Variants in SVEP1 observed in about 807,000 individuals in gnomAD.
SVEP1 encodes sushi, von Willebrand factor type A, EGF and pentraxin domain containing 1.
A neutral mutation model predicts 367.3 loss-of-function variants in SVEP1; 164 were observed. That is an observed-to-expected ratio of 0.45 (90% CI 0.39 to 0.51). SVEP1 has a LOEUF of 0.51. SVEP1 is among the 20% of genes least tolerant of loss of function. The pLI is 0.00. For missense variants in SVEP1, 4,117 were observed against 4,425.3 expected, an observed-to-expected ratio of 0.93 and a Z score of 1.98; for synonymous variants, 1,666 against 1,611.6, an observed-to-expected ratio of 1.03 and a Z score of -0.81.
chr9:110,537,431 C>A (rs117436840), intron 3 of SVEP1, among the ~76,000 whole-genome samples: 2,869 of 151,898 alleles, frequency 0.019, 43 homozygotes, highest in Non-Finnish European at 0.03. Flanking sequence ...ATACAAACAG[C>A]AATTGTGATA....
In SVEP1 at chr9:110,366,477, G is replaced by A. The variant is rs148605975; in HGVS notation, c.*62C>T. ...ACTTTCTTTGCATAAGTTCCAGGAT[G>A]CCCAGGCACTACCGAGGAGAGATGA... On this transcript the variant is annotated 3_prime_UTR_variant, in exon 48 of 48. Transcript: ENST00000374469. 2,098 of 1,463,354 alleles carry A rather than the reference G, an allele frequency of 1.4e-3. 15 individuals are homozygous for A. In the African/African-American group the frequency reaches 0.022, roughly 15 times the overall value. The allele number at this position is 1,463,354 out of a possible 1,614,324, so 90.6% of individuals were successfully genotyped here. A position where few individuals can be genotyped will look rare whatever the true frequency, so the allele number is the denominator to read the frequency against.
chr9:110,459,831 T>C (rs1828830528), intron 18 of SVEP1, among the ~76,000 whole-genome samples: 2 of 152,150 alleles, frequency 1.3e-5, no homozygotes, highest in African/African-American at 4.8e-5. Context: ...TTATTTTAAT[T>C]TGCATCTTGA....
chr9:110,564,509 A>C (rs963097564), intron 1 of SVEP1, among the ~76,000 whole-genome samples: 1 of 152,208 alleles, frequency 6.6e-6, no homozygotes, highest in Non-Finnish European at 1.5e-5. Flanking sequence ...AGGGGTGCAA[A>C]GGAGTGGAGG....
chr9:110,472,220 T>C lies in SVEP1; in HGVS notation c.2703A>G (p.Ser901=). 6.2e-7 allele frequency: 1 copy of C among 1,613,720 alleles called. No homozygotes were observed. The highest frequency in any genetic ancestry group is 8.5e-7 in the Non-Finnish European group (1 of 1,179,834). ...TATSIGNAKS[S]RIKRSAPLSD... ...ATAATGGGGCACTTCTTTTAATCCG[T>C]GAGGACTTGGCATTGCCGATGCTTG... Residue 901 remains serine (S), a synonymous_variant, in exon 15 of 48, where the codon TCA becomes TCG. Transcript: ENST00000374469.
At chr9:110,529,539 A>T (rs977394580) in intron 3 of SVEP1, among the ~76,000 whole-genome samples, 6 of 151,670 alleles carry the variant, frequency 4.0e-5, no homozygotes, top group Non-Finnish European at 8.8e-5. Flanking sequence ...GGTTTCTTTT[A>T]TCAGTGTTTT....
In SVEP1 at chr9:110,565,722, A is replaced by T. The variant is rs1286770946; in HGVS notation, c.531+13291T>A. 2.0e-5 allele frequency among the ~76,000 whole-genome samples: 3 copies of T among 152,032 alleles called. No homozygotes were observed. In the East Asian group the frequency reaches 5.8e-4, roughly 29 times the overall value. ...AAACATCCCCTTCTCTTAGTCCTGTATCTGCTCCAACCTGCCTTCCGCTTG... is the reference window on the plus strand; with the variant it reads ...AAACATCCCCTTCTCTTAGTCCTGTTTCTGCTCCAACCTGCCTTCCGCTTG... On this transcript the variant is annotated intron_variant, in intron 1 of 47. Coordinates refer to ENST00000374469, the MANE Select transcript of SVEP1 (RefSeq NM_153366.4).
chr9:110,403,338 C>G (rs371297147), intron 39 of SVEP1, among the ~76,000 whole-genome samples: 17 of 92,772 alleles, frequency 1.8e-4, no homozygotes, highest in African/African-American at 7.8e-4. Context: ...CGGAGTATTG[C>G]TCTGTTGCCA....
rs765228815 is a variant in SVEP1, at chr9:110,390,372, T to TATAC, written c.9823-786_9823-785insGTAT. Among the ~76,000 whole-genome samples the TATAC allele has an allele frequency of 2.2e-3, 158 of 72,364 alleles. 1 individual carries two copies. The highest frequency in any genetic ancestry group is 0.023 in the Middle Eastern group (2 of 88). 47.5% of individuals were successfully genotyped at this position (72,364 alleles called of 152,430 possible). On this transcript the variant is annotated intron_variant, in intron 40 of 47. Transcript: ENST00000374469. ...ACACTTATATATATATACTTATATCTACTTATATATATATATACTTATATC... is the reference window on the plus strand; with the variant it reads ...ACACTTATATATATATACTTATATCTATACACTTATATATATATATACTTATATC...
In SVEP1 at chr9:110,432,549, A is replaced by T. The variant is rs1335679419; in HGVS notation, c.5146T>A (p.Cys1716Ser). Residue 1716 changes from cysteine to serine, a missense_variant, in exon 31 of 48, where the codon TGC (cysteine) becomes AGC (serine). Physicochemically the swap from Cys to Ser is moderately radical, Grantham distance 112. This residue lies in a region of SVEP1 where 2,174 missense variants were observed against 2,494.3 expected (regional missense o/e 0.87). Transcript: ENST00000374469. Reference sequence around the variant, plus strand: ...CCCAATAGATAGTAGCCATTGTTGCACTGGTAGGTTACTGTGCTGCCAGCA... The same window carrying T: ...CCCAATAGATAGTAGCCATTGTTGCTCTGGTAGGTTACTGTGCTGCCAGCA... ...FYAGSTVTYQCNNGYYLLGDS... is the reference protein window; with the variant it reads ...FYAGSTVTYQSNNGYYLLGDS... The T allele has an allele frequency of 6.2e-7, 1 of 1,613,908 alleles. No individual in the cohort carries two copies. The highest frequency in any genetic ancestry group is 1.7e-5 in the Admixed American group (1 of 60,012).
At chr9:110,559,040 T>C (rs539038433) in intron 1 of SVEP1, among the ~76,000 whole-genome samples, 1 of 152,218 alleles carries the variant, frequency 6.6e-6, no homozygotes, top group East Asian at 1.9e-4. Context: ...GGAATAAAAA[T>C]ATACCTCATT....
At chr9:110,529,939 T>G (rs913805598) in intron 3 of SVEP1, among the ~76,000 whole-genome samples, 32 of 152,200 alleles carry the variant, frequency 2.1e-4, no homozygotes, top group African/African-American at 7.7e-4. Flanking sequence ...CCTGCTCCAG[T>G]TCTTAAGGGG....
chr9:110,528,156 G>GTGTA, intron 3 of SVEP1, among the ~76,000 whole-genome samples: 76 of 33,956 alleles, frequency 2.2e-3, no homozygotes, highest in East Asian at 0.02. Context: ...GTGTGTGTGT[G>GTGTA]TATATATATA....
chr9:110,427,334 T>C (rs1828269544), intron 36 of SVEP1, among the ~76,000 whole-genome samples: 2 of 147,574 alleles, frequency 1.4e-5, no homozygotes, highest in African/African-American at 5.0e-5. Context: ...AAGTATAATA[T>C]GAAGATATTT....
chr9:110,369,748 A>G (rs1476936712), intron 47 of SVEP1, 175 bp downstream of exon 47: 1 of 595,272 alleles, frequency 1.7e-6, no homozygotes, highest in African/African-American at 1.9e-5. Context: ...CTGAACTAAT[A>G]TTTCTTAGCT....
intron 3 of SVEP1, among the ~76,000 whole-genome samples, chr9:110,532,602 T>C (rs932671632): frequency 1.3e-5 from 2 of 152,140 alleles, no homozygotes; most frequent in Non-Finnish European, 2.9e-5. Context: ...AATCACAGAA[T>C]TTGATATTTC....
At chr9:110,472,103 T>C in intron 15 of SVEP1, 56 bp downstream of exon 15, 1 of 1,529,670 alleles carries the variant, frequency 6.5e-7, no homozygotes, top group Non-Finnish European at 8.9e-7. Flanking sequence ...AGAAGCAGGT[T>C]TCCAACCAAG....
At chr9:110,397,530 A>G (rs1827783700) in intron 40 of SVEP1, among the ~76,000 whole-genome samples, 4 of 152,312 alleles carry the variant, frequency 2.6e-5, no homozygotes, top group East Asian at 1.9e-4. Flanking sequence ...AGGATATTCA[A>G]TTAGGAAAAG....
intron 5 of SVEP1, among the ~76,000 whole-genome samples, chr9:110,509,404 A>G (rs2118768575): frequency 6.6e-6 from 1 of 152,352 alleles, no homozygotes; most frequent in East Asian, 1.9e-4. Context: ...GTATACTGGT[A>G]AGTTAGCTGT....
rs749945404 is a variant in SVEP1 at position 110,489,713 on chromosome 9, C to T, written c.1867G>A (p.Val623Ile). 44 of 1,613,320 alleles carry T rather than the reference C, an allele frequency of 2.7e-5. No homozygotes were observed. The South Asian group carries it at 3.0e-4, about 11-fold the overall frequency. ...CCGGATAGGTCAGTTGCCGTGTATACGATAGCAACATCTCCAATTGGGAAA... is the reference window on the plus strand; with the variant it reads ...CCGGATAGGTCAGTTGCCGTGTATATGATAGCAACATCTCCAATTGGGAAA... Reference protein sequence around the residue: ...YLFPIGDVAIVYTATDLSGNQ... With the variant: ...YLFPIGDVAIIYTATDLSGNQ... Residue 623 changes from valine (V) to isoleucine (I), a missense_variant, in exon 9 of 48, where the codon GTA becomes ATA. Physicochemically the swap from Val to Ile is conservative, Grantham distance 29. Transcript: ENST00000374469.
Sources: allele counts gnomAD v4.1 joint callset (sites outside exome capture counted in the v4.1 genomes callset), GRCh38; gene constraint gnomAD v4.1.1; regional missense constraint gnomAD v4.1.1; transcripts MANE v1.5; gene names NCBI Gene and HGNC (gene_info 2026-07-23, HGNC 2026-07-21).